FREM3: variants seen among roughly 807,000 people sequenced by gnomAD.
FREM3 encodes FRAS1 related extracellular matrix 3, also known as FRAS1-related extracellular matrix protein 3.
In FREM3, 105 loss-of-function variants were observed where a neutral mutation model predicts 129.1. The observed-to-expected ratio is 0.81, with a 90% confidence interval of 0.69 to 0.96. The LOEUF is 0.96. Among genes scored for constraint, FREM3 ranks in the 40% least tolerant of loss-of-function variants. The pLI is 0.00. For synonymous variants in FREM3, 1,014 were observed against 1,044.9 expected (o/e 0.97, Z 0.57); for missense variants, 2,593 against 2,666.3 (o/e 0.97, Z 0.61).
chr4:143,619,595 A>G (rs1204068081), intron 5 of FREM3, among the ~76,000 whole-genome samples: 2 of 152,260 alleles, frequency 1.3e-5, no homozygotes, highest in Non-Finnish European at 2.9e-5. Flanking sequence ...AGTCATGTTA[A>G]AGTAAATGTT....
At chr4:143,613,812 C>G (rs1288353634) in intron 5 of FREM3, among the ~76,000 whole-genome samples, 4 of 152,060 alleles carry the variant, frequency 2.6e-5, no homozygotes. Flanking sequence ...AGGACGAATG[C>G]CAAAAGCAGA....
At chr4:143,694,228 C>T (rs574963539) in intron 1 of FREM3, among the ~76,000 whole-genome samples, 87 of 152,206 alleles carry the variant, frequency 5.7e-4, no homozygotes, top group Non-Finnish European at 9.8e-4. Flanking sequence ...GCAAGGAGGG[C>T]AGTCTAGTTA....
At chr4:143,664,564 G>T (rs1252836707) in intron 2 of FREM3, among the ~76,000 whole-genome samples, 6 of 152,284 alleles carry the variant, frequency 3.9e-5, no homozygotes, top group East Asian at 1.9e-4. Flanking sequence ...GAGGCAGTCT[G>T]CCCGTTCTCA....
At position 143,585,672 on chromosome 4, in the gene FREM3, A is replaced by C. The variant is rs1738228146; in HGVS notation, c.6178+172T>G. ...AGGCTGCTGTTTGAATAATGTACTT[A>C]TTTTGTAACCAGCAGAAGTCATTAT... On this transcript the variant is annotated intron_variant, in intron 7 of 7. Transcript: ENST00000329798. The surrounding 1 kb of genome is among the most constrained non-coding windows in gnomAD (Gnocchi z 4.2). Among the ~76,000 whole-genome samples, 1 of 152,198 alleles carries C rather than the reference A, an allele frequency of 6.6e-6. No homozygotes were observed. Among genetic ancestry groups the C allele is most frequent in the Admixed American group, 6.5e-5 (1 of 15,278 alleles).
intron 6 of FREM3, among the ~76,000 whole-genome samples, chr4:143,591,127 C>T (rs1366844585): frequency 6.6e-6 from 1 of 152,108 alleles, no homozygotes; most frequent in South Asian, 2.1e-4. Flanking sequence ...ATTCTTCTCT[C>T]TTTTCTTCTT....
At chr4:143,632,707 T>C (rs1739161384) in intron 2 of FREM3, among the ~76,000 whole-genome samples, 1 of 152,114 alleles carries the variant, frequency 6.6e-6, no homozygotes, top group Non-Finnish European at 1.5e-5. Context: ...CCCTCACCTA[T>C]AGCAGGAATG....
chr4:143,586,069 C>A, intron 6 of FREM3, 76 bp from the exon 7 acceptor site: 1 of 1,394,102 alleles, frequency 7.2e-7, no homozygotes, highest in South Asian at 1.3e-5. Flanking sequence ...CCTGTGTGAG[C>A]CTGGGCATTT....
At chr4:143,605,601 A>C (rs1373486016) in intron 6 of FREM3, among the ~76,000 whole-genome samples, 1 of 152,156 alleles carries the variant, frequency 6.6e-6, no homozygotes, top group Non-Finnish European at 1.5e-5. Context: ...AGGGAGAAAA[A>C]TGTAGCCAAA....
Position 143,696,073 on chromosome 4 carries a change from TATC to T in FREM3, c.4600_4602del (p.Asp1534del), listed in dbSNP as rs1740561494. The T allele has an allele frequency of 6.5e-7, 1 of 1,537,482 alleles. No homozygotes were observed. Among genetic ancestry groups the T allele is most frequent in the Admixed American group, 2.0e-5 (1 of 50,986 alleles). The stretch of plus-strand genomic sequence containing the variant: ...TGGATGGTCAAGATAGGTTTCTTAT[TATC>T]CACATCAGTGATGAAGATCCTGAAG... On this transcript the variant is annotated inframe_deletion, in exon 1 of 8. Transcript: ENST00000329798.
At chr4:143,663,051 C>A (rs183708636) in intron 2 of FREM3, among the ~76,000 whole-genome samples, 1 of 152,030 alleles carries the variant, frequency 6.6e-6, no homozygotes, top group Non-Finnish European at 1.5e-5. Flanking sequence ...TGCCACTCTG[C>A]GTCTTTTAAT....
At chr4:143,624,497 G>C (rs1190811629) in intron 3 of FREM3, among the ~76,000 whole-genome samples, 159 bp from the exon 4 acceptor site, 1 of 152,198 alleles carries the variant, frequency 6.6e-6, no homozygotes, top group Non-Finnish European at 1.5e-5. Flanking sequence ...TTGGCTAAGA[G>C]AGTGTAAGTA....
At chr4:143,670,397 CAT>C (rs1287470206) in intron 2 of FREM3, among the ~76,000 whole-genome samples, 1 of 152,090 alleles carries the variant, frequency 6.6e-6, no homozygotes, top group Non-Finnish European at 1.5e-5. Context: ...TTAATATACA[CAT>C]ATGTATTTAT....
rs543790273 is a variant in FREM3, at chr4:143,663,701, A to C, written c.5275+29412T>G. 4.5e-3 allele frequency among the ~76,000 whole-genome samples: 689 copies of C among 152,156 alleles called. 5 individuals carry two copies. The highest frequency in any genetic ancestry group is 0.016 in the African/African-American group (657 of 41,532). On this transcript the variant is annotated intron_variant, in intron 2 of 7. Transcript: ENST00000329798. ...GTGTTTTCCAACTTGGTTCCATTCTACCCATCACTTTCAGGTACACCAATC... is the reference window on the plus strand; with the variant it reads ...GTGTTTTCCAACTTGGTTCCATTCTCCCCATCACTTTCAGGTACACCAATC...
intron 4 of FREM3, among the ~76,000 whole-genome samples, chr4:143,621,458 TAA>T (rs914295730): frequency 2.0e-4 from 31 of 152,362 alleles, no homozygotes; most frequent in African/African-American, 7.2e-4. Flanking sequence ...GATCAAATTT[TAA>T]GTCTTCTAAA....
intron 6 of FREM3, among the ~76,000 whole-genome samples, chr4:143,604,725 G>C (rs1352507784): frequency 6.6e-6 from 1 of 152,046 alleles, no homozygotes; most frequent in Non-Finnish European, 1.5e-5. Flanking sequence ...GTGACTTCAT[G>C]AACAAATCAC....
intron 2 of FREM3, among the ~76,000 whole-genome samples, chr4:143,689,889 T>G (rs1740434537): frequency 4.2e-5 from 5 of 117,714 alleles, no homozygotes; most frequent in African/African-American, 6.5e-5. Context: ...GGGGGAAGAG[T>G]GGGAGGGGGG....
intron 2 of FREM3, among the ~76,000 whole-genome samples, chr4:143,629,321 C>T (rs1351768664): frequency 6.6e-6 from 1 of 152,152 alleles, no homozygotes; most frequent in Non-Finnish European, 1.5e-5. Context: ...CTCCTTCGCA[C>T]TGCAGGTTCT....
intron 7 of FREM3, among the ~76,000 whole-genome samples, chr4:143,582,412 T>C (rs1022055892): frequency 6.6e-6 from 1 of 151,962 alleles, no homozygotes; most frequent in Admixed American, 6.6e-5. Flanking sequence ...AAAAATACTT[T>C]GCATATAACA....
chr4:143,594,870 C>G (rs574969864), intron 6 of FREM3, among the ~76,000 whole-genome samples: 190 of 152,294 alleles, frequency 1.2e-3, no homozygotes, highest in Non-Finnish European at 2.1e-3. Flanking sequence ...TTTACCTTAG[C>G]TCTGTCTGAG....
Sources: allele counts gnomAD v4.1 joint callset (sites outside exome capture counted in the v4.1 genomes callset), GRCh38; gene constraint gnomAD v4.1.1; non-coding constraint Gnocchi (gnomAD v3.1); transcripts MANE v1.5; gene names NCBI Gene and HGNC (gene_info 2026-07-23, HGNC 2026-07-21).